Variants in TGM6 observed in about 807,000 individuals in gnomAD.
TGM6 encodes the protein protein-glutamine gamma-glutamyltransferase 6.
A neutral mutation model predicts 77.5 loss-of-function variants in TGM6; 74 were observed. That is an observed-to-expected ratio of 0.96 (90% CI 0.79 to 1.16). The LOEUF is 1.16. Ranked by LOEUF, TGM6 falls within the 50% of genes most tolerant of loss-of-function variation. The pLI is 0.00. For missense variants in TGM6, 968 were observed against 940.2 expected (o/e 1.03, Z -0.39); for synonymous variants, 383 against 378.9 (o/e 1.01, Z -0.12).
intron 1 of TGM6, among the ~76,000 whole-genome samples, chr20:2,393,734 C>T (rs2084643363): frequency 6.6e-6 from 1 of 151,900 alleles, no homozygotes; most frequent in African/African-American, 2.4e-5. Flanking sequence ...CATGTTGGCC[C>T]CAGGGTGGTC....
intron 3 of TGM6, 141 bp from the exon 4 acceptor site, chr20:2,396,365 A>C: frequency 2.5e-6 from 2 of 785,988 alleles, no homozygotes; most frequent in Non-Finnish European, 4.5e-6. Flanking sequence ...GCAGCACGGG[A>C]GCTCGCAAGC....
chr20:2,399,541 C>A lies in TGM6; in HGVS notation c.673-20C>A. 6.2e-7 allele frequency: 1 copy of A among 1,612,206 alleles called. No individual in the cohort carries two copies. Among genetic ancestry groups the A allele is most frequent in the Non-Finnish European group, 8.5e-7 (1 of 1,179,872 alleles). On this transcript the variant is annotated intron_variant, in intron 5 of 12. Coordinates refer to ENST00000202625, the MANE Select transcript of TGM6 (RefSeq NM_198994.3). ...TAGGAAGCCCTGCCTGGTTGTGGAC[C>A]CGTGCCCTCCTCTGCCCAGGTGAAC...
At position 2,417,573 on chromosome 20, in the gene TGM6, G is replaced by C; in HGVS notation, c.1678G>C (p.Glu560Gln). 1 of 1,599,048 alleles carries C rather than the reference G, an allele frequency of 6.3e-7. No homozygotes were observed. The highest frequency in any genetic ancestry group is 1.7e-4 in the Middle Eastern group (1 of 5,912). Residue 560 changes from glutamate to glutamine, a missense_variant and splice_region_variant, in exon 10 of 13, where the codon GAG becomes CAG. By Grantham distance (29) the Glu-to-Gln change is conservative. Transcript: ENST00000202625. ...SHAVRLGPQE[E>Q]KRIPITISYS... ...CGCCGTGAGGCTGGGGCCGCAAGAA[G>C]GTAAGTGTACGCTGGCTTGGTGGAA...
At chr20:2,401,207 C>CAAA (rs11480817) in intron 7 of TGM6, among the ~76,000 whole-genome samples, 4,166 of 149,532 alleles carry the variant, frequency 0.028, 197 homozygotes, top group African/African-American at 0.096. Context: ...GACTTCGTCT[C>CAAA]AAAAAAAAAA....
At chr20:2,414,189 T>C (rs991925095) in intron 9 of TGM6, among the ~76,000 whole-genome samples, 4 of 152,068 alleles carry the variant, frequency 2.6e-5, no homozygotes, top group Non-Finnish European at 5.9e-5. Context: ...CTGGGCAACA[T>C]AGCAAGACTC....
chr20:2,425,093 C>A (rs1396466974), intron 10 of TGM6, among the ~76,000 whole-genome samples: 1 of 152,138 alleles, frequency 6.6e-6, no homozygotes, highest in East Asian at 1.9e-4. Context: ...CAATCCCATT[C>A]ACTTTTGGAG....
chr20:2,390,187 T>C (rs546674676), intron 1 of TGM6, among the ~76,000 whole-genome samples: 1 of 152,238 alleles, frequency 6.6e-6, no homozygotes, highest in South Asian at 2.1e-4. Flanking sequence ...CTGTTCATTG[T>C]ACTGATGTGT....
intron 10 of TGM6, among the ~76,000 whole-genome samples, chr20:2,429,975 A>G (rs1439334506): frequency 6.6e-6 from 1 of 152,170 alleles, no homozygotes; most frequent in Non-Finnish European, 1.5e-5. Context: ...GGAGGGGGGC[A>G]TTTGGAAAAG....
intron 10 of TGM6, among the ~76,000 whole-genome samples, chr20:2,427,159 A>G (rs943355476): frequency 3.9e-5 from 6 of 152,108 alleles, no homozygotes; most frequent in Non-Finnish European, 7.4e-5. Context: ...GTTATTAAGT[A>G]CTGATTCCAT....
intron 4 of TGM6, 49 bp downstream of exon 4, chr20:2,396,673 G>T (rs967319494): frequency 6.3e-7 from 1 of 1,575,302 alleles, no homozygotes; most frequent in Non-Finnish European, 8.7e-7. Context: ...GGCATGGGGA[G>T]GTCGGTGGGA....
At chr20:2,385,353 G>T (rs1044719394) in intron 1 of TGM6, among the ~76,000 whole-genome samples, 1 of 152,070 alleles carries the variant, frequency 6.6e-6, no homozygotes. Flanking sequence ...GCACTCTCTC[G>T]GCTGGGGAGG....
chr20:2,419,292 A>G (rs115681288), intron 10 of TGM6, among the ~76,000 whole-genome samples: 1,847 of 152,264 alleles, frequency 0.012, 26 homozygotes, highest in African/African-American at 0.036. Context: ...TAAGGATTCA[A>G]TTAAACAAAG....
At chr20:2,387,444 G>A (rs2084603774) in intron 1 of TGM6, among the ~76,000 whole-genome samples, 1 of 152,196 alleles carries the variant, frequency 6.6e-6, no homozygotes, top group South Asian at 2.1e-4. Flanking sequence ...ACCACAGCAG[G>A]GGCTGTAGGA....
Position 2,430,546 on chromosome 20 carries a change from A to C in TGM6, c.1779A>C (p.Gly593=), listed in dbSNP as rs759822522. The part of the protein sequence containing the change: ...LLAAMCLVTK[G]EKLLVEKDIT... ...CTGCCATGTGCCTTGTCACCAAAGG[A>C]GAGAAGCTTCTGGTGGAGAAGGACA... The change falls in exon 11 of 13, where the codon GGA becomes GGC. Residue 593 remains glycine (G), a synonymous_variant. Transcript: ENST00000202625. 3.1e-6 allele frequency: 5 copies of C among 1,614,192 alleles called. No homozygotes were observed. The highest frequency in any genetic ancestry group is 4.2e-6 in the Non-Finnish European group (5 of 1,180,040).
chr20:2,416,733 G>A (rs1477033358), intron 9 of TGM6, among the ~76,000 whole-genome samples: 7 of 152,012 alleles, frequency 4.6e-5, no homozygotes, highest in Admixed American at 3.3e-4. Flanking sequence ...GTCAAGTCCC[G>A]CCTCCTGCCT....
At chr20:2,429,127 T>G (rs2084907526) in intron 10 of TGM6, among the ~76,000 whole-genome samples, 1 of 152,160 alleles carries the variant, frequency 6.6e-6, no homozygotes, top group Admixed American at 6.5e-5. Context: ...ACCCGGCCTA[T>G]AATTATTATT....
At chr20:2,388,955 A>G (rs1011113584) in intron 1 of TGM6, among the ~76,000 whole-genome samples, 3 of 152,298 alleles carry the variant, frequency 2.0e-5, no homozygotes, top group South Asian at 4.1e-4. Context: ...GGGTGGTCAT[A>G]TCAGTATACA....
intron 1 of TGM6, among the ~76,000 whole-genome samples, chr20:2,389,787 G>A (rs1029045503): frequency 6.6e-6 from 1 of 152,108 alleles, no homozygotes; most frequent in Non-Finnish European, 1.5e-5. Flanking sequence ...AGTGAATCAA[G>A]ACAAAAACAA....
chr20:2,398,225 A>T (rs1201792785), intron 5 of TGM6, among the ~76,000 whole-genome samples, 179 bp downstream of exon 5: 2 of 152,102 alleles, frequency 1.3e-5, no homozygotes, highest in Non-Finnish European at 2.9e-5. Context: ...TGTTTTTTAG[A>T]CTAGGAATTT....
Sources: allele counts gnomAD v4.1 joint callset (sites outside exome capture counted in the v4.1 genomes callset), GRCh38; gene constraint gnomAD v4.1.1; transcripts MANE v1.5; gene names NCBI Gene and HGNC (gene_info 2026-07-23, HGNC 2026-07-21).